The following GPR137B variants were observed in gnomAD, a reference collection of about 807,000 sequenced individuals.
GPR137B encodes the protein G protein-coupled receptor 137B, also known as integral membrane protein GPR137B.
GPR137B carries 42 observed loss-of-function variants against 42.5 expected under a neutral mutation model. That is an observed-to-expected ratio of 0.99 (90% confidence interval 0.77 to 1.28). GPR137B has a LOEUF of 1.28. GPR137B is among the 50% of genes most tolerant of loss of function. GPR137B has a pLI of 0.00. For synonymous variants in GPR137B, 218 were observed against 209.7 expected, an observed-to-expected ratio of 1.04 and a Z score of -0.34; for missense variants, 487 against 493.9, an observed-to-expected ratio of 0.99 and a Z score of 0.13.
chr1:236,167,109 C>T (rs993062736), intron 1 of GPR137B, among the ~76,000 whole-genome samples: 2 of 152,140 alleles, frequency 1.3e-5, no homozygotes, highest in African/African-American at 4.8e-5. Flanking sequence ...CTTCTTTCCC[C>T]GCCCCGGCTT....
chr1:236,176,226 G>A (rs931644329), intron 2 of GPR137B, among the ~76,000 whole-genome samples: 5 of 152,118 alleles, frequency 3.3e-5, no homozygotes, highest in Admixed American at 2.0e-4. Context: ...TCTGTCCATG[G>A]CAAATCATTA....
intron 1 of GPR137B, among the ~76,000 whole-genome samples, chr1:236,161,358 C>T (rs1245630192): frequency 6.6e-6 from 1 of 151,980 alleles, no homozygotes; most frequent in African/African-American, 2.4e-5. Flanking sequence ...GCAGCACCTT[C>T]TCTCCTCACC....
chr1:236,177,836 G>T (rs564656914), intron 2 of GPR137B, among the ~76,000 whole-genome samples: 2 of 152,068 alleles, frequency 1.3e-5, no homozygotes, highest in South Asian at 4.2e-4. Context: ...GATTACAGGG[G>T]TGAGCCACTG....
chr1:236,198,803 A>G (rs1467463726), intron 5 of GPR137B, among the ~76,000 whole-genome samples: 2 of 151,976 alleles, frequency 1.3e-5, no homozygotes, highest in African/African-American at 4.8e-5. Flanking sequence ...AGCTTTTAGG[A>G]TAAGTCTTTA....
At chr1:236,207,389 C>A in intron 6 of GPR137B, 2 of 469,050 alleles carry the variant, frequency 4.3e-6, no homozygotes, top group Non-Finnish European at 5.6e-6. Context: ...TGTTCTTTTC[C>A]AGTTACCCCA....
At chr1:236,177,208 C>G (rs956951299) in intron 2 of GPR137B, among the ~76,000 whole-genome samples, 1 of 152,142 alleles carries the variant, frequency 6.6e-6, no homozygotes, top group African/African-American at 2.4e-5. Flanking sequence ...GTTGTTATGT[C>G]ACACTGGAAT....
In GPR137B at chr1:236,142,700, C is replaced by T. The variant is rs1403843202; in HGVS notation, c.78C>T (p.Asn26=). The T allele has an allele frequency of 6.3e-7, 1 of 1,592,538 alleles. No individual in the cohort carries two copies. The highest frequency in any genetic ancestry group is 8.5e-7 in the Non-Finnish European group (1 of 1,173,554). ...METPPWDPAR[N]DSLPPTLTPA... ...CCCCGCCGTGGGACCCAGCCCGCAACGACTCGCTGCCGCCCACGCTGACCC... is the reference window on the plus strand; with the variant it reads ...CCCCGCCGTGGGACCCAGCCCGCAATGACTCGCTGCCGCCCACGCTGACCC... The change falls in exon 1 of 7, where the codon AAC becomes AAT. Residue 26 remains asparagine, a synonymous_variant. Coordinates refer to ENST00000366592, the MANE Select transcript of GPR137B (RefSeq NM_003272.4).
rs377716650 is a variant in GPR137B at position 236,207,113 on chromosome 1, G to GA, written c.1092-933dup. 2.1e-4 allele frequency: 205 copies of GA among 982,852 alleles called. No individual in the cohort carries two copies. In the African/African-American group the frequency reaches 3.4e-3, roughly 16 times the overall value. The allele number at this position is 982,852 out of a possible 1,614,324, so 60.9% of individuals were successfully genotyped here. On this transcript the variant is annotated intron_variant, in intron 6 of 6. Coordinates refer to ENST00000366592, the MANE Select transcript of GPR137B (RefSeq NM_003272.4). The stretch of plus-strand genomic sequence containing the variant: ...TTAGAAAACTTTTTAAGAGAGCTCT[G>GA]AAAAGAGTCCTTGTTTTAGGGACAG...
In GPR137B at chr1:236,150,038, T is replaced by TGTGC. The variant is rs1458116306; in HGVS notation, c.414+7003_414+7006dup. On this transcript the variant is annotated intron_variant, in intron 1 of 6. Coordinates refer to ENST00000366592, the MANE Select transcript of GPR137B (RefSeq NM_003272.4). This position sits in a 1 kb window ranked among gnomAD's most constrained non-coding sequence, Gnocchi z 6.2. Reference sequence around the variant, plus strand: ...GCCTGTGTGTGTACCTGTGTGTGTGTGTGCCTGCCTCTGTGTGCCTGTGTC... The same window carrying TGTGC: ...GCCTGTGTGTGTACCTGTGTGTGTGTGTGCGTGCCTGCCTCTGTGTGCCTGTGTC... Among the ~76,000 whole-genome samples the TGTGC allele has an allele frequency of 1.3e-5, 2 of 151,160 alleles. No individual in the cohort carries two copies. The highest frequency in any genetic ancestry group is 4.9e-5 in the African/African-American group (2 of 41,020).
intron 1 of GPR137B, among the ~76,000 whole-genome samples, chr1:236,165,776 A>G (rs952171802): frequency 2.0e-5 from 3 of 152,222 alleles, no homozygotes; most frequent in African/African-American, 7.2e-5. Flanking sequence ...GGCTCTGACA[A>G]TTCCTGCAGG....
intron 1 of GPR137B, among the ~76,000 whole-genome samples, chr1:236,161,239 C>T (rs1662184974): frequency 1.3e-5 from 2 of 152,102 alleles, no homozygotes; most frequent in Admixed American, 1.3e-4. Flanking sequence ...TTCAGCTGTG[C>T]CAATGCTCCC....
intron 1 of GPR137B, among the ~76,000 whole-genome samples, chr1:236,161,950 GAT>G (rs1464105749): frequency 6.6e-6 from 1 of 152,142 alleles, no homozygotes; most frequent in Non-Finnish European, 1.5e-5. Flanking sequence ...TTGCTGAAAA[GAT>G]ACCCAAAAAT....
rs1558482087 is a variant in GPR137B, at chr1:236,161,498, C to CCTCCCACTCACACCTCCTCAT, written c.415-7208_415-7207insCTCCCACTCACACCTCCTCAT. Reference sequence around the variant, plus strand: ...TCCACACACACTTCACACCTCCTCACGCCTCCCACTCACACCTTCTCACGC... The same window carrying CCTCCCACTCACACCTCCTCAT: ...TCCACACACACTTCACACCTCCTCACCTCCCACTCACACCTCCTCATGCCTCCCACTCACACCTTCTCACGC... On this transcript the variant is annotated intron_variant, in intron 1 of 6. Coordinates refer to ENST00000366592, the MANE Select transcript of GPR137B (RefSeq NM_003272.4). Among the ~76,000 whole-genome samples, 1,278 of 151,188 alleles carry CCTCCCACTCACACCTCCTCAT rather than the reference C, an allele frequency of 8.5e-3. 19 individuals are homozygous for CCTCCCACTCACACCTCCTCAT. Among genetic ancestry groups the CCTCCCACTCACACCTCCTCAT allele is most frequent in the African/African-American group, 0.029 (1,189 of 40,922 alleles).
intron 5 of GPR137B, among the ~76,000 whole-genome samples, chr1:236,198,066 T>G (rs1224193507): frequency 2.6e-5 from 4 of 152,164 alleles, no homozygotes; most frequent in Non-Finnish European, 5.9e-5. Context: ...TTGGTAACTA[T>G]AGCCTTGTAA....
intron 5 of GPR137B, among the ~76,000 whole-genome samples, chr1:236,203,771 T>C (rs1663571655): frequency 6.6e-6 from 1 of 152,230 alleles, no homozygotes; most frequent in Admixed American, 6.5e-5. Context: ...CTATTATAAG[T>C]GGGATTACTT....
At position 236,207,574 on chromosome 1, in the gene GPR137B, G is replaced by A. The variant is rs148892987; in HGVS notation, c.1092-476G>A. ...CATAATTATAATGAAAACGACTTAC[G>A]TGTATTGAGAATTAACTATATATTA... On this transcript the variant is annotated intron_variant, in intron 6 of 6. Coordinates refer to ENST00000366592, the MANE Select transcript of GPR137B (RefSeq NM_003272.4). 1.1e-3 allele frequency among the ~76,000 whole-genome samples: 172 copies of A among 152,248 alleles called. 1 individual carries two copies. The Middle Eastern group carries it at 0.037, about 33-fold the overall frequency.
intron 5 of GPR137B, among the ~76,000 whole-genome samples, chr1:236,202,447 C>T (rs963289456): frequency 8.6e-5 from 13 of 151,942 alleles, no homozygotes; most frequent in Non-Finnish European, 1.3e-4. Context: ...AGTGGCCTGC[C>T]GCTTCTTTCC....
At position 236,156,634 on chromosome 1, in the gene GPR137B, C is replaced by T. The variant is rs377092708; in HGVS notation, c.415-12072C>T. On this transcript the variant is annotated intron_variant, in intron 1 of 6. Transcript: ENST00000366592. The surrounding 1 kb of genome is among the most constrained non-coding windows in gnomAD (Gnocchi z 4.8). ...CCGCAGAGCCGCCTTGTGTGTCTTC[C>T]GGGAACCCTGCAGAAAGGAGAACTC... is the stretch of plus-strand genomic sequence containing the variant. 1.1e-4 allele frequency among the ~76,000 whole-genome samples: 17 copies of T among 152,320 alleles called. No individual in the cohort carries two copies. Among genetic ancestry groups the T allele is most frequent in the Non-Finnish European group, 2.1e-4 (14 of 68,024 alleles).
At chr1:236,194,684 G>C (rs553559661) in intron 5 of GPR137B, among the ~76,000 whole-genome samples, 2 of 152,288 alleles carry the variant, frequency 1.3e-5, no homozygotes, top group African/African-American at 4.8e-5. Context: ...AGAAGCTGCT[G>C]GCAGAAAAGG....
Sources: gnomAD v4.1 joint callset for allele counts (sites outside exome capture counted in the v4.1 genomes callset) on GRCh38, gnomAD v4.1.1 for gene constraint, Gnocchi (gnomAD v3.1) non-coding constraint, MANE v1.5 for transcripts, NCBI Gene and HGNC (gene_info 2026-07-23, HGNC 2026-07-21) for gene names.